The following HCRTR2 variants were observed in gnomAD, a reference collection of about 807,000 sequenced individuals.
HCRTR2 encodes the protein orexin receptor type 2.
In HCRTR2, 22 loss-of-function variants were observed where a neutral mutation model predicts 49.0. That is an observed-to-expected ratio of 0.45 (90% CI 0.32 to 0.64). The LOEUF is 0.64. HCRTR2 is among the 30% of genes least tolerant of loss of function. The pLI is 0.04. For synonymous variants in HCRTR2, 236 were observed against 205.3 expected (o/e 1.15, Z -1.28); for missense variants, 491 against 559.4 (o/e 0.88, Z 1.23).
At chr6:55,144,516 G>GT (rs1393484696) in intron 1 of HCRTR2, among the ~76,000 whole-genome samples, 1 of 152,182 alleles carries the variant, frequency 6.6e-6, no homozygotes, top group African/African-American at 2.4e-5. Flanking sequence ...ACCAGGGCCA[G>GT]TTTTGTGGAA....
At chr6:55,168,889 T>G (rs530297527) in intron 1 of HCRTR2, among the ~76,000 whole-genome samples, 1 of 152,174 alleles carries the variant, frequency 6.6e-6, no homozygotes, top group East Asian at 1.9e-4. Context: ...CCATGTAATC[T>G]CTCAATGAGT....
intron 1 of HCRTR2, among the ~76,000 whole-genome samples, chr6:55,180,129 T>C (rs1413549204): frequency 2.0e-5 from 3 of 152,218 alleles, no homozygotes; most frequent in Non-Finnish European, 4.4e-5. Flanking sequence ...CACTTACATA[T>C]ACTCTATTGA....
At chr6:55,232,370 C>T (rs142939669) in intron 1 of HCRTR2, among the ~76,000 whole-genome samples, 1 of 152,102 alleles carries the variant, frequency 6.6e-6, no homozygotes, top group South Asian at 2.1e-4. Context: ...GCTGTTTATG[C>T]CATTGCTCTT....
intron 1 of HCRTR2, among the ~76,000 whole-genome samples, chr6:55,201,058 A>G (rs1180424803): frequency 6.6e-6 from 1 of 152,116 alleles, no homozygotes; most frequent in Non-Finnish European, 1.5e-5. Flanking sequence ...GAAAGAGTTA[A>G]GCTGATGAGA....
At chr6:55,242,180 T>C (rs1766349079) in intron 1 of HCRTR2, among the ~76,000 whole-genome samples, 1 of 152,132 alleles carries the variant, frequency 6.6e-6, no homozygotes, top group South Asian at 2.1e-4. Flanking sequence ...GGCAACTAAT[T>C]TTTAAAATTG....
intron 1 of HCRTR2, among the ~76,000 whole-genome samples, chr6:55,183,851 A>G (rs1179130294): frequency 6.6e-6 from 1 of 152,192 alleles, no homozygotes; most frequent in East Asian, 1.9e-4. Context: ...GAAGAGAAAG[A>G]AAGAATACAT....
chr6:55,128,146 C>T (rs531449896), intron 1 of HCRTR2, among the ~76,000 whole-genome samples: 15 of 152,154 alleles, frequency 9.9e-5, no homozygotes, highest in African/African-American at 3.6e-4. Flanking sequence ...ATATGGCTGG[C>T]TAGTTATCCC....
intron 1 of HCRTR2, among the ~76,000 whole-genome samples, chr6:55,178,392 T>C (rs942811992): frequency 6.6e-6 from 1 of 152,172 alleles, no homozygotes; most frequent in Non-Finnish European, 1.5e-5. Context: ...GTTATTGAAC[T>C]ATCCAAGTCA....
chr6:55,133,560 C>A (rs1764388242), intron 1 of HCRTR2, among the ~76,000 whole-genome samples: 1 of 151,810 alleles, frequency 6.6e-6, no homozygotes, highest in South Asian at 2.1e-4. Flanking sequence ...TCACTAACAT[C>A]AATTTTCATG....
chr6:55,256,523 C>A (rs2127318173), intron 3 of HCRTR2, among the ~76,000 whole-genome samples: 1 of 152,206 alleles, frequency 6.6e-6, no homozygotes, highest in African/African-American at 2.4e-5. Flanking sequence ...TATATTGTTG[C>A]AAGACCTATA....
chr6:55,163,063 C>T (rs369765229), intron 1 of HCRTR2, among the ~76,000 whole-genome samples: 4 of 152,020 alleles, frequency 2.6e-5, no homozygotes, highest in South Asian at 4.2e-4. Context: ...GGTGAAACCC[C>T]GTCTCTACTA....
At chr6:55,139,065 A>C (rs575481528) in intron 1 of HCRTR2, among the ~76,000 whole-genome samples, 1 of 152,272 alleles carries the variant, frequency 6.6e-6, no homozygotes, top group South Asian at 2.1e-4. Flanking sequence ...GGAAGGAGAA[A>C]GTTTCAGGCA....
intron 1 of HCRTR2, among the ~76,000 whole-genome samples, chr6:55,239,556 T>G (rs755552457): frequency 1.3e-5 from 2 of 152,144 alleles, no homozygotes; most frequent in Non-Finnish European, 1.5e-5. Flanking sequence ...TTATTAATTG[T>G]GATATATTAA....
At chr6:55,127,002 G>A (rs543020182) in intron 1 of HCRTR2, among the ~76,000 whole-genome samples, 1 of 152,124 alleles carries the variant, frequency 6.6e-6, no homozygotes, top group Non-Finnish European at 1.5e-5. Flanking sequence ...TAGTTTGCTG[G>A]GCCCTATGGG....
At position 55,277,605 on chromosome 6, in the gene HCRTR2, A is replaced by C. The variant is rs1767103730; in HGVS notation, c.983+5A>C. On this transcript the variant is annotated splice_donor_5th_base_variant and intron_variant, in intron 5 of 6. Transcript: ENST00000370862. ...CATCCTCAATGTGCTAAAGAGGTAAAACTTATCTGTTATTTGAAAATGAAA... is the reference window on the plus strand; with the variant it reads ...CATCCTCAATGTGCTAAAGAGGTAACACTTATCTGTTATTTGAAAATGAAA... The C allele has an allele frequency of 6.3e-7, 1 of 1,593,208 alleles. No individual in the cohort carries two copies. The highest frequency in any genetic ancestry group is 8.6e-7 in the Non-Finnish European group (1 of 1,161,196).
chr6:55,229,230 T>C (rs1355989384), intron 1 of HCRTR2, among the ~76,000 whole-genome samples: 1 of 152,202 alleles, frequency 6.6e-6, no homozygotes, highest in Non-Finnish European at 1.5e-5. Context: ...TGTCTTGCTA[T>C]GTTGTCCAAG....
chr6:55,275,401 T>C (rs557605706), intron 4 of HCRTR2, among the ~76,000 whole-genome samples: 10 of 152,118 alleles, frequency 6.6e-5, no homozygotes, highest in Non-Finnish European at 1.3e-4. Flanking sequence ...CTCAGTAATG[T>C]CAGTTATTCC....
At chr6:55,282,204 T>G in intron 6 of HCRTR2, 21 bp from the exon 7 acceptor site, 1 of 1,558,374 alleles carries the variant, frequency 6.4e-7, no homozygotes, top group Non-Finnish European at 8.8e-7. Context: ...TCCTTTTCCT[T>G]TCATTCTCTC....
intron 1 of HCRTR2, among the ~76,000 whole-genome samples, chr6:55,135,728 T>A (rs1764425378): frequency 6.6e-6 from 1 of 152,166 alleles, no homozygotes; most frequent in East Asian, 1.9e-4. Flanking sequence ...TTACCCATGT[T>A]ATAGATGAGA....
Sources: allele counts gnomAD v4.1 joint callset (sites outside exome capture counted in the v4.1 genomes callset), GRCh38; gene constraint gnomAD v4.1.1; transcripts MANE v1.5; gene names NCBI Gene and HGNC (gene_info 2026-07-23, HGNC 2026-07-21).